CDK13: variants seen among roughly 807,000 people sequenced by gnomAD.
The protein encoded by CDK13 is cyclin-dependent kinase 13.
In CDK13, 40 loss-of-function variants were observed where a neutral mutation model predicts 137.6. That is an observed-to-expected ratio of 0.29 (90% CI 0.23 to 0.38). The LOEUF is 0.38. CDK13 is among the 10% of genes least tolerant of loss of function. The pLI is 1.00. For missense variants in CDK13, 1,704 were observed against 1,951.8 expected, an observed-to-expected ratio of 0.87 and a Z score of 2.39; for synonymous variants, 869 against 760.1, an observed-to-expected ratio of 1.14 and a Z score of -2.36.
intron 5 of CDK13, among the ~76,000 whole-genome samples, chr7:40,017,799 A>G (rs1785032888): frequency 6.6e-6 from 1 of 151,868 alleles, no homozygotes; most frequent in Non-Finnish European, 1.5e-5. Flanking sequence ...CCTTGGCAGA[A>G]TAATAGGAAT....
intron 11 of CDK13, among the ~76,000 whole-genome samples, chr7:40,082,425 G>A (rs547252552): frequency 1.9e-4 from 25 of 131,092 alleles, no homozygotes; most frequent in Non-Finnish European, 3.6e-4. Flanking sequence ...GGCAGAGGTT[G>A]TAGTGAGCCA....
chr7:40,052,572 G>A (rs1162792187), intron 7 of CDK13, among the ~76,000 whole-genome samples: 1 of 152,110 alleles, frequency 6.6e-6, no homozygotes, highest in Admixed American at 6.5e-5. Context: ...TGATGATCCA[G>A]TAAGGAGAGA....
Position 39,950,588 on chromosome 7 carries a change from T to A in CDK13, c.-54T>A. 7 of 1,286,876 alleles carry A rather than the reference T, an allele frequency of 5.4e-6. No individual in the cohort carries two copies. Among genetic ancestry groups the A allele is most frequent in the Non-Finnish European group, 6.9e-6 (7 of 1,017,948 alleles). 79.7% of individuals were successfully genotyped at this position (1,286,876 alleles called of 1,614,324 possible). On this transcript the variant is annotated 5_prime_UTR_variant, in exon 1 of 14. Transcript: ENST00000181839. ...TTTCCGGCGGGGGAGATGGCCAGGATCTGACCCGGGAGGAGGCCGCACCCG... is the reference window on the plus strand; with the variant it reads ...TTTCCGGCGGGGGAGATGGCCAGGAACTGACCCGGGAGGAGGCCGCACCCG...
chr7:40,072,932 T>G (rs544111172), intron 9 of CDK13: 1 of 152,096 alleles, frequency 6.6e-6, no homozygotes, highest in African/African-American at 2.4e-5. Flanking sequence ...CTGATAAAAC[T>G]AAAGCACTCT....
intron 5 of CDK13, among the ~76,000 whole-genome samples, chr7:40,022,779 G>A (rs1295671478): frequency 2.0e-5 from 3 of 150,620 alleles, no homozygotes; most frequent in African/African-American, 7.3e-5. Flanking sequence ...GCTTACTCCT[G>A]TTAAAACTAG....
At chr7:40,032,596 T>A (rs1005093962) in intron 5 of CDK13, among the ~76,000 whole-genome samples, 3 of 152,250 alleles carry the variant, frequency 2.0e-5, no homozygotes, top group African/African-American at 7.2e-5. Flanking sequence ...TTTCATTTTG[T>A]TCACTTGTTG....
rs549611239 is a variant in CDK13 at position 40,089,027 on chromosome 7, C to G, written c.3235+696C>G. On this transcript the variant is annotated intron_variant, in intron 12 of 13. Transcript: ENST00000181839. ...TGGGGAGGTGGAGGTTGCAGTGAGC[C>G]GAGATTGCGCCACTGCACTCCAGCC... is the stretch of plus-strand genomic sequence containing the variant. Among the ~76,000 whole-genome samples the G allele has an allele frequency of 3.0e-3, 463 of 151,866 alleles. 8 individuals are homozygous for G. The highest frequency in any genetic ancestry group is 0.011 in the African/African-American group (443 of 41,416).
chr7:39,976,321 T>TCACACA (rs1248415358), intron 1 of CDK13, among the ~76,000 whole-genome samples: 215 of 35,976 alleles, frequency 6.0e-3, no homozygotes, highest in African/African-American at 0.013. Flanking sequence ...TCTCTCTCTC[T>TCACACA]CTCACACACA....
At chr7:40,040,201 A>G (rs561756493) in intron 5 of CDK13, among the ~76,000 whole-genome samples, 12 of 152,008 alleles carry the variant, frequency 7.9e-5, no homozygotes, top group South Asian at 4.1e-4. Context: ...TTGTAGATTC[A>G]TTTGCTTTTT....
intron 1 of CDK13, among the ~76,000 whole-genome samples, chr7:39,957,249 C>G (rs559554787): frequency 6.2e-4 from 87 of 140,062 alleles, no homozygotes; most frequent in Non-Finnish European, 1.0e-3. Context: ...TGTGTCCAGC[C>G]TTAAATCCCA....
rs575159200 is a variant in CDK13, at chr7:39,951,125, G to A, written c.484G>A (p.Ala162Thr). 1 of 1,244,056 alleles carries A rather than the reference G, an allele frequency of 8.0e-7. No individual in the cohort carries two copies. The highest frequency in any genetic ancestry group is 1.5e-5 in the African/African-American group (1 of 64,524). The allele number at this position is 1,244,056 out of a possible 1,614,324, so 77.1% of individuals were successfully genotyped here. ...QSEQGLLLGG[A>T]SAATAATAAG... is the part of the protein sequence containing the mutation. ...CGAGCAGGGGCTGCTGCTGGGGGGG[G>A]CCAGCGCGGCAACGGCGGCGACGGC... The change falls in exon 1 of 14, where the codon GCC becomes ACC. Residue 162 changes from alanine to threonine, a missense_variant. Ala to Thr is a moderately conservative substitution (Grantham distance 58, BLOSUM62 0). This residue lies in a region of CDK13 where 1,051 missense variants were observed against 931.0 expected (regional missense o/e 1.13). Transcript: ENST00000181839.
At chr7:39,973,200 A>C (rs1784036829) in intron 1 of CDK13, among the ~76,000 whole-genome samples, 1 of 152,102 alleles carries the variant, frequency 6.6e-6, no homozygotes, top group Non-Finnish European at 1.5e-5. Context: ...GCAGTGGCAC[A>C]ATTTTGGCTC....
At chr7:40,089,437 C>CAA (rs67433312) in intron 12 of CDK13, among the ~76,000 whole-genome samples, 31 of 123,812 alleles carry the variant, frequency 2.5e-4, no homozygotes, top group African/African-American at 7.9e-4. Flanking sequence ...GAGACTGTCT[C>CAA]AAAAAAAAAA....
chr7:40,046,015 C>T lies in CDK13; in HGVS notation c.2533C>T (p.Leu845=), dbSNP rs1785730372. The T allele has an allele frequency of 3.9e-6, 6 of 1,556,668 alleles. No individual in the cohort carries two copies. The highest frequency in any genetic ancestry group is 1.4e-5 in the African/African-American group (1 of 73,474). Reference sequence around the variant, plus strand: ...AGATATTAAATGTTCCAATATCCTTCTAAATAATAGGTATGGGTATGAACT... The same window carrying T: ...AGATATTAAATGTTCCAATATCCTTTTAAATAATAGGTATGGGTATGAACT... ...HRDIKCSNIL[L]NNRGQIKLAD... Residue 845 remains leucine, a synonymous_variant, in exon 6 of 14, where the codon CTA becomes TTA. Transcript: ENST00000181839.
rs950730753 is a variant in CDK13 at position 39,951,207 on chromosome 7, G to C, written c.566G>C (p.Arg189Pro). The change falls in exon 1 of 14, where the codon CGG (arginine) becomes CCG (proline). Residue 189 changes from arginine to proline, a missense_variant. Arg to Pro is a moderately radical substitution (Grantham distance 103). Transcript: ENST00000181839. ...GSPASSSGTQ[R>P]RGEGSERRPR... ...CCGGCCTCCTCCTCCGGCACCCAGCGGCGCGGGGAGGGGTCGGAGCGCAGG... is the reference window on the plus strand; with the variant it reads ...CCGGCCTCCTCCTCCGGCACCCAGCCGCGCGGGGAGGGGTCGGAGCGCAGG... The C allele has an allele frequency of 8.0e-7, 1 of 1,251,516 alleles. No individual in the cohort carries two copies. The highest frequency in any genetic ancestry group is 1.0e-6 in the Non-Finnish European group (1 of 1,000,358). The allele number at this position is 1,251,516 out of a possible 1,614,324, so 77.5% of individuals were successfully genotyped here.
intron 7 of CDK13, among the ~76,000 whole-genome samples, chr7:40,050,381 G>C (rs1299609182): frequency 6.6e-6 from 1 of 151,694 alleles, no homozygotes; most frequent in African/African-American, 2.4e-5. Context: ...TTCTTCTGCT[G>C]TTTAAGAAGC....
intron 1 of CDK13, among the ~76,000 whole-genome samples, chr7:39,977,126 C>CTAG (rs1166087094): frequency 1.3e-5 from 2 of 152,128 alleles, no homozygotes; most frequent in Non-Finnish European, 2.9e-5. Context: ...GTCCTTTATG[C>CTAG]TAGTCCTTGA....
chr7:40,043,045 T>C (rs1785649473), intron 5 of CDK13, among the ~76,000 whole-genome samples: 1 of 152,232 alleles, frequency 6.6e-6, no homozygotes, highest in Admixed American at 6.5e-5. Flanking sequence ...CCCAAAGTGC[T>C]TGGATTACTG....
intron 5 of CDK13, among the ~76,000 whole-genome samples, chr7:40,037,883 A>G (rs1584022904): frequency 6.6e-6 from 1 of 151,990 alleles, no homozygotes. Context: ...CTTAAAATAT[A>G]CCCCCCAGCT....
Sources: gnomAD v4.1 joint callset for allele counts (sites outside exome capture counted in the v4.1 genomes callset) on GRCh38, gnomAD v4.1.1 for gene constraint, gnomAD v4.1.1 regional missense constraint, MANE v1.5 for transcripts, NCBI Gene and HGNC (gene_info 2026-07-23, HGNC 2026-07-21) for gene names.